Variants in CSMD3 observed in about 807,000 individuals in gnomAD.
The protein encoded by CSMD3 is CUB and Sushi multiple domains 3.
A neutral mutation model predicts 435.2 loss-of-function variants in CSMD3; 177 were observed. The ratio of observed to expected loss-of-function variants is 0.41; its 90% CI spans 0.36 to 0.46. The LOEUF (loss-of-function observed/expected upper bound fraction) is 0.46. Among genes scored for constraint, CSMD3 ranks in the 20% least tolerant of loss-of-function variants. The pLI is 0.34. For missense variants in CSMD3, 4,265 were observed against 4,504.6 expected, an observed-to-expected ratio of 0.95 and a Z score of 1.52; for synonymous variants, 1,656 against 1,520.5, an observed-to-expected ratio of 1.09 and a Z score of -2.07.
intron 3 of CSMD3, among the ~76,000 whole-genome samples, chr8:113,249,458 G>T (rs2093313712): frequency 6.6e-6 from 1 of 151,984 alleles, no homozygotes; most frequent in South Asian, 2.1e-4. Flanking sequence ...GTAGTTACTT[G>T]CCTCCCCTTG....
intron 30 of CSMD3, among the ~76,000 whole-genome samples, chr8:112,494,536 T>C (rs928499758): frequency 1.9e-4 from 28 of 144,146 alleles, no homozygotes; most frequent in African/African-American, 7.1e-4. Flanking sequence ...TCTTTCTTTC[T>C]TTCTTTCTTT....
At chr8:113,162,029 T>G (rs1417813907) in intron 4 of CSMD3, among the ~76,000 whole-genome samples, 3 of 152,074 alleles carry the variant, frequency 2.0e-5, no homozygotes, top group Non-Finnish European at 4.4e-5. Context: ...AGAAAGTGTT[T>G]TATGAAGAGA....
intron 13 of CSMD3, among the ~76,000 whole-genome samples, chr8:112,769,356 T>C (rs1031874239): frequency 6.6e-6 from 1 of 152,006 alleles, no homozygotes; most frequent in Non-Finnish European, 1.5e-5. Flanking sequence ...TCTTTGCTAC[T>C]AACTCTGTGA....
At chr8:112,406,327 AT>A (rs944556850) in intron 35 of CSMD3, among the ~76,000 whole-genome samples, 196 bp downstream of exon 35, 43 of 152,140 alleles carry the variant, frequency 2.8e-4, no homozygotes, top group African/African-American at 9.2e-4. Context: ...TTCAACACAA[AT>A]TTTTTTATTG....
At chr8:112,652,065 T>G (rs1431259576) in intron 18 of CSMD3, among the ~76,000 whole-genome samples, 3 of 152,222 alleles carry the variant, frequency 2.0e-5, no homozygotes, top group African/African-American at 4.8e-5. Flanking sequence ...GACATACGTA[T>G]AGCCAAAACA....
chr8:112,834,315 A>G (rs1245798258), intron 11 of CSMD3, among the ~76,000 whole-genome samples: 1 of 151,942 alleles, frequency 6.6e-6, no homozygotes, highest in Non-Finnish European at 1.5e-5. Flanking sequence ...TTGAATTTTT[A>G]TAATACATTC....
intron 27 of CSMD3, among the ~76,000 whole-genome samples, chr8:112,546,818 G>A (rs1334794925): frequency 6.6e-6 from 1 of 152,118 alleles, no homozygotes; most frequent in Non-Finnish European, 1.5e-5. Flanking sequence ...AAGAGATAAA[G>A]CAACAGACTC....
chr8:112,602,589 A>G (rs1832452366), intron 22 of CSMD3, among the ~76,000 whole-genome samples: 1 of 151,334 alleles, frequency 6.6e-6, no homozygotes, highest in South Asian at 2.1e-4. Context: ...AAAAAGAAAG[A>G]AAAGAAAATT....
At chr8:112,867,446 A>C (rs2129987422) in intron 10 of CSMD3, among the ~76,000 whole-genome samples, 1 of 152,220 alleles carries the variant, frequency 6.6e-6, no homozygotes, top group South Asian at 2.1e-4. Flanking sequence ...GTACATTCTG[A>C]GAAACGTGTT....
chr8:112,711,823 G>C lies in CSMD3; in HGVS notation c.1973-21773C>G, dbSNP rs911194842. 3.1e-4 allele frequency among the ~76,000 whole-genome samples: 47 copies of C among 152,082 alleles called. 1 individual carries two copies. Among genetic ancestry groups the C allele is most frequent in the Admixed American group, 2.9e-3 (44 of 15,260 alleles). On this transcript the variant is annotated intron_variant, in intron 13 of 70. Transcript: ENST00000297405. The stretch of plus-strand genomic sequence containing the variant: ...GGCTGGAGTGCAGTGGCCAGATAAT[G>C]GCTCACTGCAGCTCACTGAGGCCTC...
In CSMD3 at chr8:112,830,134, A is replaced by G. The variant is rs142778369; in HGVS notation, c.1756-345T>C. Among the ~76,000 whole-genome samples, 396 of 152,284 alleles carry G rather than the reference A, an allele frequency of 2.6e-3. 13 individuals carry two copies. In the East Asian group the frequency reaches 0.065, roughly 25 times the overall value. On this transcript the variant is annotated intron_variant, in intron 11 of 70. Coordinates refer to ENST00000297405, the MANE Select transcript of CSMD3 (RefSeq NM_198123.2). ...TGATTAAAGCAAATCTACTTTAAGAAGGCTTTATAAAAAGTATATGTAGGT... is the reference window on the plus strand; with the variant it reads ...TGATTAAAGCAAATCTACTTTAAGAGGGCTTTATAAAAAGTATATGTAGGT...
chr8:112,933,815 C>T (rs141017199), intron 9 of CSMD3, among the ~76,000 whole-genome samples: 150 of 151,930 alleles, frequency 9.9e-4, no homozygotes, highest in African/African-American at 3.5e-3. Context: ...ACAGTTTTGC[C>T]GTGGGAATAG....
chr8:112,528,569 G>C (rs1825215268), intron 27 of CSMD3, among the ~76,000 whole-genome samples: 2 of 152,104 alleles, frequency 1.3e-5, no homozygotes, highest in African/African-American at 4.8e-5. Flanking sequence ...CATGACAAGT[G>C]ACATCAGCAC....
intron 1 of CSMD3, among the ~76,000 whole-genome samples, chr8:113,382,630 C>T (rs2094421413): frequency 6.6e-6 from 1 of 152,150 alleles, no homozygotes; most frequent in African/African-American, 2.4e-5. Flanking sequence ...TTAGAAGTCT[C>T]ATAAACTTTG....
chr8:112,372,149 T>C lies in CSMD3; in HGVS notation c.6136+8203A>G, dbSNP rs149711580. Reference sequence around the variant, plus strand: ...ACACACAATTCAGAGTTGAGTCTTATAGCCAGAAAAAAGAAGAGAAGTAGA... The same window carrying C: ...ACACACAATTCAGAGTTGAGTCTTACAGCCAGAAAAAAGAAGAGAAGTAGA... On this transcript the variant is annotated intron_variant, in intron 38 of 70. Transcript: ENST00000297405. Among the ~76,000 whole-genome samples the C allele has an allele frequency of 9.2e-5, 14 of 152,098 alleles. No individual in the cohort carries two copies. In the East Asian group the frequency reaches 2.1e-3, roughly 23 times the overall value.
intron 1 of CSMD3, among the ~76,000 whole-genome samples, chr8:113,386,949 T>C (rs147656967): frequency 6.6e-6 from 1 of 151,800 alleles, no homozygotes; most frequent in African/African-American, 2.4e-5. Flanking sequence ...GCAATGGCAA[T>C]ATAAAGCATA....
At chr8:112,494,556 TTTCTTTC>T (rs1821127399) in intron 30 of CSMD3, among the ~76,000 whole-genome samples, 7 of 136,364 alleles carry the variant, frequency 5.1e-5, no homozygotes, top group African/African-American at 8.1e-5. Flanking sequence ...TCTTTCTTTC[TTTCTTTC>T]TTTCTTTCTT....
chr8:112,635,684 A>G (rs1405678777), intron 22 of CSMD3, among the ~76,000 whole-genome samples: 1 of 152,092 alleles, frequency 6.6e-6, no homozygotes, highest in Non-Finnish European at 1.5e-5. Context: ...ATCTCATTAC[A>G]ATAAAAGACT....
chr8:112,864,680 T>C (rs1251388976), intron 10 of CSMD3, among the ~76,000 whole-genome samples: 2 of 152,060 alleles, frequency 1.3e-5, no homozygotes, highest in East Asian at 1.9e-4. Context: ...AGAAGTCTTA[T>C]AAAGGTAACT....
Sources: allele counts gnomAD v4.1 joint callset (sites outside exome capture counted in the v4.1 genomes callset), GRCh38; gene constraint gnomAD v4.1.1; transcripts MANE v1.5; gene names NCBI Gene and HGNC (gene_info 2026-07-23, HGNC 2026-07-21).